TMEM132C: variants seen among roughly 807,000 people sequenced by gnomAD.
The protein encoded by TMEM132C is transmembrane protein 132C.
A neutral mutation model predicts 61.4 loss-of-function variants in TMEM132C; 29 were observed. The ratio of observed to expected loss-of-function variants is 0.47; its 90% CI spans 0.35 to 0.64. The LOEUF (loss-of-function observed/expected upper bound fraction) is 0.64. Ranked by LOEUF, TMEM132C falls within the 30% of genes least tolerant of loss-of-function variation. TMEM132C has a pLI of 0.00. For missense variants in TMEM132C, 1,408 were observed against 1,476.9 expected (o/e 0.95, Z 0.76); for synonymous variants, 656 against 633.1 (o/e 1.04, Z -0.54).
chr12:128,687,606 G>A (rs1438334326), intron 5 of TMEM132C, among the ~76,000 whole-genome samples: 1 of 152,222 alleles, frequency 6.6e-6, no homozygotes, highest in African/African-American at 2.4e-5. Flanking sequence ...GCATGTTCAG[G>A]AACCAGCAGG....
At position 128,326,760 on chromosome 12, in the gene TMEM132C, T is replaced by C. The variant is rs1872532830; in HGVS notation, c.85+59273T>C. Among the ~76,000 whole-genome samples, 2 of 139,380 alleles carry C rather than the reference T, an allele frequency of 1.4e-5. No individual in the cohort carries two copies. Among genetic ancestry groups the C allele is most frequent in the Non-Finnish European group, 2.9e-5 (2 of 67,964 alleles). The allele number at this position is 139,380 out of a possible 152,430, so 91.4% of individuals were successfully genotyped here. On this transcript the variant is annotated intron_variant, in intron 1 of 8. Coordinates refer to ENST00000435159, the MANE Select transcript of TMEM132C (RefSeq NM_001136103.3). The surrounding 1 kb of genome is among the most constrained non-coding windows in gnomAD (Gnocchi z 5.6). ...GAAGTTTCGAGATTCATCAGATGTCTTTATGGCTCCCACATCTCGTTACCG... is the reference window on the plus strand; with the variant it reads ...GAAGTTTCGAGATTCATCAGATGTCCTTATGGCTCCCACATCTCGTTACCG...
intron 2 of TMEM132C, among the ~76,000 whole-genome samples, chr12:128,430,621 G>T (rs1427486946): frequency 6.6e-6 from 1 of 152,150 alleles, no homozygotes; most frequent in Non-Finnish European, 1.5e-5. Context: ...ACCCTGCATT[G>T]AGCAAGTCTA....
intron 3 of TMEM132C, among the ~76,000 whole-genome samples, chr12:128,607,963 A>T (rs1565989946): frequency 6.6e-6 from 1 of 152,140 alleles, no homozygotes; most frequent in East Asian, 1.9e-4. Flanking sequence ...GAAAATAAAT[A>T]ACAGGGCCAG....
intron 2 of TMEM132C, among the ~76,000 whole-genome samples, chr12:128,456,291 A>T (rs7962368): frequency 0.26 from 38,706 of 146,350 alleles, 6,563 homozygotes; most frequent in African/African-American, 0.48. Flanking sequence ...TTCTTGTTTC[A>T]TATTTTTCCT....
intron 2 of TMEM132C, among the ~76,000 whole-genome samples, chr12:128,455,238 G>A (rs1303012565): frequency 6.6e-6 from 1 of 152,238 alleles, no homozygotes; most frequent in East Asian, 1.9e-4. Context: ...ATAAATCATG[G>A]TGGTCAAATC....
intron 2 of TMEM132C, among the ~76,000 whole-genome samples, chr12:128,521,456 C>A (rs1241484754): frequency 7.1e-6 from 1 of 140,930 alleles, no homozygotes; most frequent in African/African-American, 2.6e-5. Context: ...CAGCCCCCAG[C>A]CCCCCACCCC....
chr12:128,480,368 C>G (rs2136090404), intron 2 of TMEM132C, among the ~76,000 whole-genome samples: 1 of 152,330 alleles, frequency 6.6e-6, no homozygotes, highest in Non-Finnish European at 1.5e-5. Flanking sequence ...TCTAAAACCT[C>G]TGTATTTCTT....
At chr12:128,541,660 C>T (rs1000556515) in intron 2 of TMEM132C, among the ~76,000 whole-genome samples, 1 of 152,168 alleles carries the variant, frequency 6.6e-6, no homozygotes, top group Non-Finnish European at 1.5e-5. Context: ...CTAACAATTC[C>T]TGTTTGCTGG....
In TMEM132C at chr12:128,371,733, GT is replaced by G. The variant is rs1874033346; in HGVS notation, c.86-42998del. Among the ~76,000 whole-genome samples the G allele has an allele frequency of 2.0e-5, 3 of 152,046 alleles. No individual in the cohort carries two copies. The South Asian group carries it at 6.2e-4, about 32-fold the overall frequency. ...AACTAAAGGCACATGTCACCATGCT[GT>G]GCTAACATATTTTTAAAATTTTTTT... On this transcript the variant is annotated intron_variant, in intron 1 of 8. Transcript: ENST00000435159.
intron 1 of TMEM132C, among the ~76,000 whole-genome samples, chr12:128,372,765 T>A (rs750557793): frequency 6.6e-6 from 1 of 152,070 alleles, no homozygotes; most frequent in Non-Finnish European, 1.5e-5. Context: ...AGGACTTGTA[T>A]ACAACCCCCG....
chr12:128,424,069 A>AG (rs1555223807), intron 2 of TMEM132C, among the ~76,000 whole-genome samples: 1,717 of 149,140 alleles, frequency 0.012, 58 homozygotes, highest in African/African-American at 0.04. Context: ...AAAAAAAAAA[A>AG]ACTTTGGGAG....
chr12:128,487,996 A>T (rs1024237720), intron 2 of TMEM132C, among the ~76,000 whole-genome samples: 4 of 152,248 alleles, frequency 2.6e-5, no homozygotes, highest in Admixed American at 2.6e-4. Flanking sequence ...CACTGACCAC[A>T]CACACAGTGG....
intron 2 of TMEM132C, among the ~76,000 whole-genome samples, chr12:128,527,273 A>T (rs1234547139): frequency 6.6e-6 from 1 of 152,188 alleles, no homozygotes; most frequent in Non-Finnish European, 1.5e-5. Context: ...AGTGGCCAGG[A>T]TGTGATGCCA....
chr12:128,269,821 T>TAA (rs57072766), intron 1 of TMEM132C, among the ~76,000 whole-genome samples: 11,832 of 148,546 alleles, frequency 0.08, 1,253 homozygotes, highest in African/African-American at 0.24. Flanking sequence ...CTGCTGTCTT[T>TAA]AAAAAAAAAA....
chr12:128,640,090 C>T (rs1375649980), intron 4 of TMEM132C, among the ~76,000 whole-genome samples: 1 of 152,188 alleles, frequency 6.6e-6, no homozygotes, highest in African/African-American at 2.4e-5. Context: ...AGCTTTGGAT[C>T]AGGCGTGGGC....
chr12:128,410,858 A>G (rs1392558389), intron 1 of TMEM132C, among the ~76,000 whole-genome samples: 1 of 152,210 alleles, frequency 6.6e-6, no homozygotes, highest in African/African-American at 2.4e-5. Context: ...TTATAGGAAA[A>G]TAAAATTTCT....
intron 4 of TMEM132C, among the ~76,000 whole-genome samples, chr12:128,644,632 A>G (rs1263205600): frequency 6.6e-6 from 1 of 152,186 alleles, no homozygotes; most frequent in Non-Finnish European, 1.5e-5. Flanking sequence ...AGCACAAGGG[A>G]CTTTCTGCAT....
Position 128,570,492 on chromosome 12 carries a change from T to C in TMEM132C, c.1121+26389T>C, listed in dbSNP as rs1874839648. 6.6e-6 allele frequency among the ~76,000 whole-genome samples: 1 copy of C among 152,166 alleles called. No homozygotes were observed. Among genetic ancestry groups the C allele is most frequent in the African/African-American group, 2.4e-5 (1 of 41,426 alleles). The stretch of plus-strand genomic sequence containing the variant: ...TTACGTGTCACTCCCCTAATGGGTG[T>C]TTTTACTGATGCCATGAACAGAAAC... On this transcript the variant is annotated intron_variant, in intron 3 of 8. Transcript: ENST00000435159. This position sits in a 1 kb window ranked among gnomAD's most constrained non-coding sequence, Gnocchi z 4.7.
rs137985135 is a variant in TMEM132C, at chr12:128,640,969, C to T, written c.1305+24634C>T. The stretch of plus-strand genomic sequence containing the variant: ...AATAAAACTGTTTTCTAAAAGTGTG[C>T]TGCAGGCTAGCTTGGTTTCCAGTAC... On this transcript the variant is annotated intron_variant, in intron 4 of 8. Transcript: ENST00000435159. Among the ~76,000 whole-genome samples the T allele has an allele frequency of 1.4e-4, 21 of 152,286 alleles. No individual in the cohort carries two copies. In the East Asian group the frequency reaches 3.5e-3, roughly 25 times the overall value.
Sources: allele counts gnomAD v4.1 joint callset (sites outside exome capture counted in the v4.1 genomes callset), GRCh38; gene constraint gnomAD v4.1.1; non-coding constraint Gnocchi (gnomAD v3.1); transcripts MANE v1.5; gene names NCBI Gene and HGNC (gene_info 2026-07-23, HGNC 2026-07-21).